The following MON1A variants were observed in gnomAD, a reference collection of about 807,000 sequenced individuals.
MON1A encodes vacuolar fusion protein MON1 homolog A.
A neutral mutation model predicts 44.6 loss-of-function variants in MON1A; 29 were observed. That is an observed-to-expected ratio of 0.65 (90% CI 0.48 to 0.89). The LOEUF (loss-of-function observed/expected upper bound fraction) is 0.89, where lower values mean the gene tolerates loss of function less well. Ranked by LOEUF, MON1A falls within the 40% of genes least tolerant of loss-of-function variation. MON1A has a pLI of 0.00. For synonymous variants in MON1A, 275 were observed against 316.4 expected, an observed-to-expected ratio of 0.87 and a Z score of 1.39; for missense variants, 615 against 759.6, an observed-to-expected ratio of 0.81 and a Z score of 2.24.
At chr3:49,923,468 C>CT (rs201685649) in intron 1 of MON1A, among the ~76,000 whole-genome samples, 6,779 of 135,486 alleles carry the variant, frequency 0.05, 551 homozygotes, top group African/African-American at 0.17. Context: ...AAGACAAGCT[C>CT]TTTTTTTTTT....
chr3:49,910,544 C>G lies in MON1A; in HGVS notation c.954G>C (p.Leu318=). 1.2e-6 allele frequency: 2 copies of G among 1,613,314 alleles called. No homozygotes were observed. Among genetic ancestry groups the G allele is most frequent in the Non-Finnish European group, 1.7e-6 (2 of 1,179,658 alleles). Residue 318 remains leucine, a synonymous_variant, in exon 4 of 6, where the codon CTG becomes CTC. Coordinates refer to ENST00000296473, the MANE Select transcript of MON1A (RefSeq NM_032355.4). The surrounding 1 kb of genome is among the most constrained non-coding windows in gnomAD (Gnocchi z 8.0). ...ASLQQARARS[L]VFSILLARNQ... ...TGCGGGCCAGCAGGATGGAGAAGAC[C>G]AGGCTGCGCGCACGCGCCTGCTGCA...
chr3:49,912,028 C>T lies in MON1A; in HGVS notation c.128-17G>A. ...GGCCCGCACCTGCAGGCCAAAAGCA[C>T]TGGTGCTTAGAGGGGTAGCTAGTGG... is the stretch of plus-strand genomic sequence containing the variant. On this transcript the variant is annotated splice_polypyrimidine_tract_variant and intron_variant, in intron 2 of 5. Transcript: ENST00000296473. The T allele has an allele frequency of 5.1e-6, 8 of 1,554,062 alleles. No individual in the cohort carries two copies. The highest frequency in any genetic ancestry group is 7.0e-6 in the Non-Finnish European group (8 of 1,148,062).
chr3:49,914,659 T>G (rs1467987001), intron 1 of MON1A, among the ~76,000 whole-genome samples: 1 of 149,590 alleles, frequency 6.7e-6, no homozygotes, highest in East Asian at 2.0e-4. Flanking sequence ...GCAATTCTCC[T>G]GCCTCAGCCT....
chr3:49,920,258 C>A (rs1378303826), intron 1 of MON1A, among the ~76,000 whole-genome samples: 2 of 152,082 alleles, frequency 1.3e-5, no homozygotes, highest in Non-Finnish European at 2.9e-5. Context: ...TTATGGCATA[C>A]CACTCCTTTC....
intron 1 of MON1A, chr3:49,916,809 A>C (rs2082948820): frequency 6.6e-6 from 1 of 152,290 alleles, no homozygotes; most frequent in African/African-American, 2.4e-5. Context: ...ACTGAGACTA[A>C]GAGGAGCAAT....
intron 1 of MON1A, among the ~76,000 whole-genome samples, chr3:49,915,613 T>TA (rs1338942561): frequency 6.6e-6 from 1 of 152,220 alleles, no homozygotes; most frequent in Non-Finnish European, 1.5e-5. Context: ...TGTTTGCAGA[T>TA]AAAAAAGTGA....
chr3:49,919,560 A>AG (rs1252130690), intron 1 of MON1A, among the ~76,000 whole-genome samples: 3 of 152,086 alleles, frequency 2.0e-5, no homozygotes, highest in African/African-American at 7.2e-5. Context: ...GCTCACTGCA[A>AG]CCTCTGACTC....
intron 1 of MON1A, among the ~76,000 whole-genome samples, chr3:49,922,952 G>A (rs369827951): frequency 3.7e-4 from 56 of 151,798 alleles, no homozygotes; most frequent in East Asian, 3.0e-3. Context: ...CTGGTGATCC[G>A]CCTGCCTTGG....
At chr3:49,914,540 ATTT>A (rs35967703) in intron 1 of MON1A, among the ~76,000 whole-genome samples, 6,387 of 85,794 alleles carry the variant, frequency 0.074, 131 homozygotes, top group African/African-American at 0.1. Flanking sequence ...CGCCTGCCTA[ATTT>A]TTTTTTTTTT....
rs2082850234 is a variant in MON1A at position 49,909,518 on chromosome 3, G to A, written c.1380-118C>T. On this transcript the variant is annotated intron_variant, in intron 4 of 5. Coordinates refer to ENST00000296473, the MANE Select transcript of MON1A (RefSeq NM_032355.4). The surrounding 1 kb of genome is among the most constrained non-coding windows in gnomAD (Gnocchi z 4.0). ...CTCTATCTTATGTCCTACCCTCCAGGTGCTCCCTTAGGACAGGGCATTGTC... is the reference window on the plus strand; with the variant it reads ...CTCTATCTTATGTCCTACCCTCCAGATGCTCCCTTAGGACAGGGCATTGTC... 2 of 1,392,440 alleles carry A rather than the reference G, an allele frequency of 1.4e-6. No individual in the cohort carries two copies. The highest frequency in any genetic ancestry group is 2.0e-6 in the Non-Finnish European group (2 of 1,022,556). The allele number at this position is 1,392,440 out of a possible 1,614,324, so 86.3% of individuals were successfully genotyped here.
chr3:49,924,403 G>T (rs2083031494), intron 1 of MON1A: 2 of 185,598 alleles, frequency 1.1e-5, no homozygotes, highest in African/African-American at 2.4e-5. Context: ...GTGTGGCTGG[G>T]GACAGTGGCT....
At chr3:49,921,652 T>A (rs1277950040) in intron 1 of MON1A, among the ~76,000 whole-genome samples, 1 of 150,072 alleles carries the variant, frequency 6.7e-6, no homozygotes, top group Non-Finnish European at 1.5e-5. Context: ...TTTTTTTTTT[T>A]TTTTAAGAGA....
Position 49,929,652 on chromosome 3 carries a change from C to G in MON1A, c.-57G>C. On this transcript the variant is annotated 5_prime_UTR_variant, in exon 1 of 6. Transcript: ENST00000296473. Reference sequence around the variant, plus strand: ...CAGGACGCACAGAAGGTGCCGGTCACTGCCCTCTGCCGGACCCATGGAGGG... The same window carrying G: ...CAGGACGCACAGAAGGTGCCGGTCAGTGCCCTCTGCCGGACCCATGGAGGG... 6.4e-7 allele frequency: 1 copy of G among 1,551,478 alleles called. No individual in the cohort carries two copies. Among genetic ancestry groups the G allele is most frequent in the Non-Finnish European group, 8.7e-7 (1 of 1,146,936 alleles).
chr3:49,914,806 A>C (rs1261342784), intron 1 of MON1A, among the ~76,000 whole-genome samples: 3 of 150,708 alleles, frequency 2.0e-5, no homozygotes, highest in Non-Finnish European at 4.4e-5. Context: ...TTGGCCTCCC[A>C]AAGTGCTGGG....
At chr3:49,917,819 G>A (rs1239747125) in intron 1 of MON1A, among the ~76,000 whole-genome samples, 3 of 151,744 alleles carry the variant, frequency 2.0e-5, no homozygotes, top group African/African-American at 7.3e-5. Flanking sequence ...AGCCGAGGCG[G>A]GCAGATCACC....
chr3:49,917,273 ATTTCT>A (rs373885754), intron 1 of MON1A, among the ~76,000 whole-genome samples: 216 of 151,838 alleles, frequency 1.4e-3, no homozygotes, highest in Middle Eastern at 6.8e-3. Flanking sequence ...AATGCCCTAC[ATTTCT>A]TTTCTTTTCT....
intron 1 of MON1A, among the ~76,000 whole-genome samples, chr3:49,920,946 C>T (rs2082990651): frequency 6.6e-6 from 1 of 151,438 alleles, no homozygotes; most frequent in Admixed American, 6.6e-5. Flanking sequence ...TTACTTGAGC[C>T]CAGGAGTTCA....
chr3:49,909,221 A>C lies in MON1A; in HGVS notation c.1527+32T>G. On this transcript the variant is annotated intron_variant, in intron 5 of 5. Transcript: ENST00000296473. This position sits in a 1 kb window ranked among gnomAD's most constrained non-coding sequence, Gnocchi z 4.0. ...CTCATGGCCCATACCTAGGACCTCC[A>C]TAAAGCCCAGCCCATCCCAGGGCTG... The C allele has an allele frequency of 1.2e-6, 2 of 1,613,710 alleles. No homozygotes were observed. Among genetic ancestry groups the C allele is most frequent in the Non-Finnish European group, 1.7e-6 (2 of 1,179,834 alleles).
At position 49,909,901 on chromosome 3, in the gene MON1A, T is replaced by C. The variant is rs975974162; in HGVS notation, c.1379+218A>G. 1.7e-5 allele frequency: 9 copies of C among 527,820 alleles called. No homozygotes were observed. Among genetic ancestry groups the C allele is most frequent in the Non-Finnish European group, 2.9e-5 (9 of 305,086 alleles). 32.7% of individuals were successfully genotyped at this position (527,820 alleles called of 1,614,324 possible). A position where few individuals can be genotyped will look rare whatever the true frequency, so the allele number is the denominator to read the frequency against. On this transcript the variant is annotated intron_variant, in intron 4 of 5. Transcript: ENST00000296473. This position sits in a 1 kb window ranked among gnomAD's most constrained non-coding sequence, Gnocchi z 4.0. ...TTTCCTTCTCTGGGTATATTGGGCATTTCCAGGCCTTCTGGTTAATAAAGT... is the reference window on the plus strand; with the variant it reads ...TTTCCTTCTCTGGGTATATTGGGCACTTCCAGGCCTTCTGGTTAATAAAGT...
Sources: gnomAD v4.1 joint callset for allele counts (sites outside exome capture counted in the v4.1 genomes callset) on GRCh38, gnomAD v4.1.1 for gene constraint, Gnocchi (gnomAD v3.1) non-coding constraint, MANE v1.5 for transcripts, NCBI Gene and HGNC (gene_info 2026-07-23, HGNC 2026-07-21) for gene names.